CALD1: variants seen among roughly 807,000 people sequenced by gnomAD.
CALD1 encodes caldesmon 1.
CALD1 carries 33 observed loss-of-function variants against 99.9 expected under a neutral mutation model. The ratio of observed to expected loss-of-function variants is 0.33; its 90% CI spans 0.25 to 0.44. The LOEUF is 0.44. Ranked by LOEUF, CALD1 falls within the 20% of genes least tolerant of loss-of-function variation. CALD1 has a pLI of 1.00. For missense variants in CALD1, 861 were observed against 962.1 expected (o/e 0.89, Z 1.39); for synonymous variants, 310 against 325.0 (o/e 0.95, Z 0.50).
chr7:134,781,987 T>C (rs917587431), intron 1 of CALD1, among the ~76,000 whole-genome samples: 9 of 152,194 alleles, frequency 5.9e-5, no homozygotes, highest in Admixed American at 3.3e-4. Flanking sequence ...CTTAGGTAGA[T>C]AGAATAAGTT....
the CALD1 span, among the ~76,000 whole-genome samples, chr7:134,729,318 A>G: frequency 6.6e-6 from 1 of 152,208 alleles, no homozygotes; most frequent in Non-Finnish European, 1.5e-5. Context: ...AAAGTAAGGG[A>G]CAGAGAAGTC....
intron 3 of CALD1, among the ~76,000 whole-genome samples, chr7:134,869,394 G>A (rs1800957699): frequency 6.6e-6 from 1 of 152,190 alleles, no homozygotes; most frequent in Admixed American, 6.5e-5. Context: ...CTATGCTGGA[G>A]AAACTTATCT....
intron 1 of CALD1, among the ~76,000 whole-genome samples, chr7:134,758,984 A>G (rs1796754132): frequency 6.6e-6 from 1 of 152,194 alleles, no homozygotes; most frequent in Non-Finnish European, 1.5e-5. Flanking sequence ...CTACAGGCCA[A>G]TTATTAGGCA....
In CALD1 at chr7:134,968,445, G is replaced by T. The variant is rs145371049; in HGVS notation, c.*100G>T. ...TATTTATGTTGATTTACTAAATTGGGTTCATTATCTTTTATTTTTCAATAT... is the reference window on the plus strand; with the variant it reads ...TATTTATGTTGATTTACTAAATTGGTTTCATTATCTTTTATTTTTCAATAT... On this transcript the variant is annotated 3_prime_UTR_variant, in exon 15 of 15. Transcript: ENST00000361675. The T allele has an allele frequency of 1.9e-6, 2 of 1,031,260 alleles. No homozygotes were observed. Among genetic ancestry groups the T allele is most frequent in the African/African-American group, 3.1e-5 (2 of 63,800 alleles). 63.9% of individuals were successfully genotyped at this position (1,031,260 alleles called of 1,614,324 possible).
chr7:134,831,930 C>T (rs751029579), intron 1 of CALD1, among the ~76,000 whole-genome samples: 2 of 152,146 alleles, frequency 1.3e-5, no homozygotes, highest in Non-Finnish European at 2.9e-5. Context: ...GAAAGAAAGG[C>T]GCGCTTGGAA....
chr7:134,873,837 C>T (rs1322870860), intron 3 of CALD1, among the ~76,000 whole-genome samples: 2 of 152,242 alleles, frequency 1.3e-5, no homozygotes, highest in East Asian at 1.9e-4. Context: ...AAAGGTAAGA[C>T]ATGAAAGTAT....
chr7:134,811,222 C>A (rs527637733), intron 1 of CALD1, among the ~76,000 whole-genome samples: 24 of 152,302 alleles, frequency 1.6e-4, no homozygotes, highest in African/African-American at 5.5e-4. Flanking sequence ...TCAACAAATG[C>A]TGAATCGAAC....
intron 7 of CALD1, among the ~76,000 whole-genome samples, chr7:134,946,641 A>G (rs559096955): frequency 2.0e-5 from 3 of 150,712 alleles, no homozygotes; most frequent in East Asian, 1.9e-4. Flanking sequence ...AGGTTTATCC[A>G]TGTTGTAACA....
chr7:134,920,378 T>C (rs1804523704), intron 3 of CALD1: 1 of 368,978 alleles, frequency 2.7e-6, no homozygotes, highest in Non-Finnish European at 3.7e-6. Flanking sequence ...GTTTTTAACT[T>C]TTTAAGTTGG....
At chr7:134,966,830 C>T (rs1215090635) in intron 14 of CALD1, among the ~76,000 whole-genome samples, 1 of 152,030 alleles carries the variant, frequency 6.6e-6, no homozygotes, top group African/African-American at 2.4e-5. Context: ...GCTTTTATGA[C>T]CTCTCTAGCC....
At chr7:134,752,582 T>C (rs1358023900) in intron 1 of CALD1, among the ~76,000 whole-genome samples, 7 of 152,200 alleles carry the variant, frequency 4.6e-5, no homozygotes, top group Admixed American at 1.3e-4. Flanking sequence ...CTCGGGGAGA[T>C]AAATGTGTCA....
intron 3 of CALD1, among the ~76,000 whole-genome samples, chr7:134,921,656 A>G (rs1324930208): frequency 6.6e-6 from 1 of 152,200 alleles, no homozygotes; most frequent in Non-Finnish European, 1.5e-5. Flanking sequence ...TACTAAAAAT[A>G]CAAAAATTAA....
the CALD1 span, among the ~76,000 whole-genome samples, chr7:134,720,058 T>A: frequency 2.6e-5 from 4 of 152,200 alleles, no homozygotes; most frequent in African/African-American, 4.8e-5. Context: ...ATGTTTAGTA[T>A]TTTTTAGAAT....
rs1801223406 is a variant in CALD1, at chr7:134,873,912, T to C, written c.71+6108T>C. On this transcript the variant is annotated intron_variant, in intron 3 of 14. Transcript: ENST00000361675. ...CATTATTAATTATTATTATTTAATTTGATTCTCTACAACATGGAAATAAAA... is the reference window on the plus strand; with the variant it reads ...CATTATTAATTATTATTATTTAATTCGATTCTCTACAACATGGAAATAAAA... Among the ~76,000 whole-genome samples the C allele has an allele frequency of 2.6e-5, 4 of 152,350 alleles. No individual in the cohort carries two copies. The South Asian group carries it at 8.3e-4, about 32-fold the overall frequency.
chr7:134,787,233 G>C (rs777968455), intron 1 of CALD1, among the ~76,000 whole-genome samples: 10 of 152,120 alleles, frequency 6.6e-5, no homozygotes, highest in Non-Finnish European at 1.5e-4. Flanking sequence ...AACCCTGTAA[G>C]GTCAAATTTT....
upstream of CALD1, among the ~76,000 whole-genome samples, chr7:134,740,868 T>TTAGC (rs1354977852): frequency 8.5e-5 from 13 of 152,082 alleles, no homozygotes; most frequent in Non-Finnish European, 1.5e-4. Context: ...ATGGTTGGAG[T>TTAGC]TAGCATTTAT....
chr7:134,849,623 T>A (rs1029044190), intron 2 of CALD1, among the ~76,000 whole-genome samples: 4 of 152,200 alleles, frequency 2.6e-5, no homozygotes, highest in African/African-American at 9.7e-5. Context: ...TTTAAAAATA[T>A]ATTTTTCTAT....
chr7:134,737,715 T>C, the CALD1 span, among the ~76,000 whole-genome samples: 1 of 152,202 alleles, frequency 6.6e-6, no homozygotes, highest in Non-Finnish European at 1.5e-5. Context: ...TCCAGTGTTT[T>C]GTAATTCCTT....
chr7:134,847,443 C>G (rs1001309087), intron 2 of CALD1, among the ~76,000 whole-genome samples: 6 of 152,120 alleles, frequency 3.9e-5, no homozygotes, highest in Non-Finnish European at 8.8e-5. Context: ...CACTCCCTTC[C>G]CTGGGAGTCT....
Sources: allele counts gnomAD v4.1 joint callset (sites outside exome capture counted in the v4.1 genomes callset), GRCh38; gene constraint gnomAD v4.1.1; transcripts MANE v1.5; gene names NCBI Gene and HGNC (gene_info 2026-07-23, HGNC 2026-07-21).